Variants in DYNC1I1 observed in about 807,000 individuals in gnomAD.
DYNC1I1 encodes dynein cytoplasmic 1 intermediate chain 1.
A neutral mutation model predicts 86.6 loss-of-function variants in DYNC1I1; 43 were observed. That is an observed-to-expected ratio of 0.50 (90% confidence interval 0.39 to 0.64). DYNC1I1 has a LOEUF of 0.64. Among genes scored for constraint, DYNC1I1 ranks in the 30% least tolerant of loss-of-function variants. The probability of loss-of-function intolerance (pLI) is 0.00; values close to 1 mark genes in which losing one functional copy is unlikely to be tolerated. For missense variants in DYNC1I1, 604 were observed against 788.8 expected (o/e 0.77, Z 2.81); for synonymous variants, 262 against 283.7 (o/e 0.92, Z 0.77).
At chr7:95,992,059 C>T (rs1042596624) in intron 9 of DYNC1I1, among the ~76,000 whole-genome samples, 2 of 152,050 alleles carry the variant, frequency 1.3e-5, no homozygotes, top group Non-Finnish European at 2.9e-5. Flanking sequence ...GGGGTTTCAC[C>T]GTGTTAGCCA....
At chr7:96,089,152 AT>A (rs1282964709) in intron 16 of DYNC1I1, among the ~76,000 whole-genome samples, 5 of 108,098 alleles carry the variant, frequency 4.6e-5, no homozygotes, top group Non-Finnish European at 1.0e-4. Flanking sequence ...TTCTAGTATG[AT>A]TTAAAAAAAA....
rs533772909 is a variant in DYNC1I1, at chr7:95,880,295, C to A, written c.490+10297C>A. Among the ~76,000 whole-genome samples the A allele has an allele frequency of 3.9e-5, 6 of 152,160 alleles. No homozygotes were observed. The South Asian group carries it at 1.3e-3, about 32-fold the overall frequency. On this transcript the variant is annotated intron_variant, in intron 6 of 16. Coordinates refer to ENST00000447467, the MANE Select transcript of DYNC1I1 (RefSeq NM_001135556.2). ...CTGATGTTTCTTCCAATGTGAAGTC[C>A]GTTCGTGGAATACTCTTAGCTTCTT... is the stretch of plus-strand genomic sequence containing the variant.
rs116981693 is a variant in DYNC1I1, at chr7:95,919,217, C to T, written c.490+49219C>T. Among the ~76,000 whole-genome samples the T allele has an allele frequency of 1.6e-3, 250 of 152,246 alleles. 1 individual carries two copies. Among genetic ancestry groups the T allele is most frequent in the Non-Finnish European group, 2.6e-3 (176 of 68,014 alleles). On this transcript the variant is annotated intron_variant, in intron 6 of 16. Transcript: ENST00000447467. ...TGAATAATGTTTTCCATAGGTTACA[C>T]TATCCCCCTCACAAAAATAAAAAAA... is the stretch of plus-strand genomic sequence containing the variant.
intron 1 of DYNC1I1, among the ~76,000 whole-genome samples, chr7:95,789,998 TCACCA>T (rs1272013257): frequency 7.2e-5 from 11 of 152,304 alleles, no homozygotes; most frequent in African/African-American, 2.6e-4. Flanking sequence ...ATTTTGTAAC[TCACCA>T]GTGGGTTGCA....
At chr7:95,994,410 G>A (rs1793807647) in intron 9 of DYNC1I1, among the ~76,000 whole-genome samples, 1 of 152,176 alleles carries the variant, frequency 6.6e-6, no homozygotes, top group South Asian at 2.1e-4. Flanking sequence ...TAACAGGCAA[G>A]GAAGGAAGTG....
At chr7:95,960,788 C>A in intron 6 of DYNC1I1, among the ~76,000 whole-genome samples, 1 of 152,164 alleles carries the variant, frequency 6.6e-6, no homozygotes, top group East Asian at 1.9e-4. Flanking sequence ...ATACAAGCAG[C>A]CAAGCCTGTG....
rs1321543968 is a variant in DYNC1I1 at position 95,933,487 on chromosome 7, ATAAT to A, written c.491-44023_491-44020del. 2.6e-5 allele frequency among the ~76,000 whole-genome samples: 4 copies of A among 152,238 alleles called. No homozygotes were observed. In the East Asian group the frequency reaches 7.7e-4, roughly 29 times the overall value. Reference sequence around the variant, plus strand: ...TAACAATTTCTAGAATTGTAAGGAAATAATTTTGTTTCTTGTAAAGCAAGAGTAA... The same window carrying A: ...TAACAATTTCTAGAATTGTAAGGAAATTTGTTTCTTGTAAAGCAAGAGTAA... On this transcript the variant is annotated intron_variant, in intron 6 of 16. Transcript: ENST00000447467.
At chr7:96,042,928 G>A (rs575207639) in intron 14 of DYNC1I1, among the ~76,000 whole-genome samples, 1 of 152,232 alleles carries the variant, frequency 6.6e-6, no homozygotes, top group Non-Finnish European at 1.5e-5. Flanking sequence ...TTGGGAGGCT[G>A]AGGCGGGTGG....
intron 14 of DYNC1I1, among the ~76,000 whole-genome samples, chr7:96,064,869 G>A (rs935773675): frequency 6.6e-5 from 10 of 151,814 alleles, no homozygotes; most frequent in African/African-American, 2.2e-4. Flanking sequence ...AGCAAAGTAA[G>A]AAATGGTCCA....
At chr7:96,080,053 T>A (rs1790465557) in intron 15 of DYNC1I1, among the ~76,000 whole-genome samples, 1 of 152,172 alleles carries the variant, frequency 6.6e-6, no homozygotes, top group Non-Finnish European at 1.5e-5. Context: ...TTAGCTCCTG[T>A]ATTTTTTGTT....
At chr7:95,857,164 A>C (rs1250052699) in intron 5 of DYNC1I1, among the ~76,000 whole-genome samples, 1 of 152,148 alleles carries the variant, frequency 6.6e-6, no homozygotes, top group Non-Finnish European at 1.5e-5. Context: ...TTCTTGACGC[A>C]GTCATAGATG....
chr7:95,811,950 T>G (rs1794840313), intron 3 of DYNC1I1, among the ~76,000 whole-genome samples: 1 of 152,164 alleles, frequency 6.6e-6, no homozygotes, highest in Admixed American at 6.6e-5. Flanking sequence ...TAATTAAACT[T>G]TAAGAACAAA....
intron 6 of DYNC1I1, among the ~76,000 whole-genome samples, chr7:95,969,510 A>G (rs1793110005): frequency 6.6e-6 from 1 of 152,204 alleles, no homozygotes; most frequent in African/African-American, 2.4e-5. Context: ...GAAGGTATCC[A>G]CAGACTCCCA....
chr7:95,906,746 A>C (rs996456893), intron 6 of DYNC1I1, among the ~76,000 whole-genome samples: 18 of 152,068 alleles, frequency 1.2e-4, no homozygotes, highest in African/African-American at 3.6e-4. Context: ...TCTTTTATTT[A>C]TAGAAAGCCC....
chr7:95,887,597 T>C (rs1318595707), intron 6 of DYNC1I1, among the ~76,000 whole-genome samples: 1 of 152,218 alleles, frequency 6.6e-6, no homozygotes, highest in South Asian at 2.1e-4. Flanking sequence ...CCCTTCTCTA[T>C]GAGCAAGGAC....
chr7:95,871,990 T>C (rs1201075235), intron 6 of DYNC1I1, among the ~76,000 whole-genome samples: 2 of 152,154 alleles, frequency 1.3e-5, no homozygotes, highest in African/African-American at 4.8e-5. Context: ...ACCTTTCAAT[T>C]TGGGTTCAGC....
intron 6 of DYNC1I1, among the ~76,000 whole-genome samples, chr7:95,910,508 G>C (rs1791304553): frequency 6.6e-6 from 1 of 152,166 alleles, no homozygotes; most frequent in Non-Finnish European, 1.5e-5. Context: ...TCTGAGGCAT[G>C]GATTAAGGTT....
At chr7:95,876,459 A>C (rs1790311293) in intron 6 of DYNC1I1, among the ~76,000 whole-genome samples, 1 of 152,134 alleles carries the variant, frequency 6.6e-6, no homozygotes. Flanking sequence ...TACAAAATTC[A>C]ATGTTTTGAG....
intron 14 of DYNC1I1, among the ~76,000 whole-genome samples, chr7:96,062,326 A>T (rs1475024347): frequency 6.6e-6 from 1 of 152,194 alleles, no homozygotes; most frequent in African/African-American, 2.4e-5. Flanking sequence ...CCGGAGACAG[A>T]CATGTTTTGG....
Sources: gnomAD v4.1 joint callset for allele counts (sites outside exome capture counted in the v4.1 genomes callset) on GRCh38, gnomAD v4.1.1 for gene constraint, MANE v1.5 for transcripts, NCBI Gene and HGNC (gene_info 2026-07-23, HGNC 2026-07-21) for gene names.